The following POLR3B variants were observed in gnomAD, a reference collection of about 807,000 sequenced individuals.
POLR3B encodes the protein RNA polymerase III subunit B, also known as DNA-directed RNA polymerase III subunit RPC2.
POLR3B carries 96 observed loss-of-function variants against 147.4 expected under a neutral mutation model. The observed-to-expected ratio is 0.65, with a 90% CI of 0.55 to 0.77. The LOEUF is 0.77. Among genes scored for constraint, POLR3B ranks in the 30% least tolerant of loss-of-function variants. The pLI is 0.00. For missense variants in POLR3B, 1,036 were observed against 1,413.5 expected (o/e 0.73, Z 4.28); for synonymous variants, 461 against 485.9 (o/e 0.95, Z 0.67).
At chr12:106,423,212 TA>T (rs2037394456) in intron 12 of POLR3B, among the ~76,000 whole-genome samples, 1 of 152,172 alleles carries the variant, frequency 6.6e-6, no homozygotes, top group Non-Finnish European at 1.5e-5. Context: ...CCCCTCCCCT[TA>T]TTCCCCAAAT....
intron 11 of POLR3B, among the ~76,000 whole-genome samples, chr12:106,407,354 C>T (rs2037164127): frequency 6.6e-6 from 1 of 152,132 alleles, no homozygotes; most frequent in Non-Finnish European, 1.5e-5. Context: ...ATTCCACTTT[C>T]TTGCAGGGTT....
At chr12:106,374,810 C>G (rs888713387) in intron 6 of POLR3B, among the ~76,000 whole-genome samples, 1 of 152,218 alleles carries the variant, frequency 6.6e-6, no homozygotes, top group Non-Finnish European at 1.5e-5. Flanking sequence ...GCCACCGCAC[C>G]TGGCCTCCTT....
intron 7 of POLR3B, among the ~76,000 whole-genome samples, chr12:106,377,270 G>A (rs1429832086): frequency 2.6e-5 from 4 of 152,044 alleles, no homozygotes; most frequent in African/African-American, 9.7e-5. Flanking sequence ...TCTTTAACTC[G>A]TATTTCACAT....
intron 12 of POLR3B, among the ~76,000 whole-genome samples, chr12:106,420,079 A>G (rs543106293): frequency 3.9e-4 from 59 of 152,234 alleles, no homozygotes; most frequent in Non-Finnish European, 7.1e-4. Context: ...TCGGTGGCTC[A>G]GGAATCTAAG....
In POLR3B at chr12:106,393,097, G is replaced by A. The variant is rs2036933077; in HGVS notation, c.790G>A (p.Ala264Thr). ...TGGAACAGAGGAGCACGTGATGGCTGCATTTGGGCCCAGTCTGGAAGAGTG... is the reference window on the plus strand; with the variant it reads ...TGGAACAGAGGAGCACGTGATGGCTACATTTGGGCCCAGTCTGGAAGAGTG... Reference protein sequence around the residue: ...MIGTEEHVMAAFGPSLEECQK... With the variant: ...MIGTEEHVMATFGPSLEECQK... Residue 264 changes from alanine (A) to threonine (T), a missense_variant, in exon 10 of 28, where the codon GCA (alanine) becomes ACA (threonine). Ala to Thr is a moderately conservative substitution (Grantham distance 58). Around this residue, in one of 12 missense-constraint regions of POLR3B, gnomAD observed 217 missense variants for 288.7 expected, o/e 0.75. Transcript: ENST00000228347. 6 of 1,614,098 alleles carry A rather than the reference G, an allele frequency of 3.7e-6. 1 individual carries two copies. The highest frequency in any genetic ancestry group is 5.1e-6 in the Non-Finnish European group (6 of 1,180,028).
At chr12:106,496,630 T>C (rs1319671962) in intron 24 of POLR3B, 122 bp from the exon 25 acceptor site, 5 of 848,080 alleles carry the variant, frequency 5.9e-6, no homozygotes, top group Non-Finnish European at 9.7e-6. Flanking sequence ...GCTTAAATAC[T>C]GCTTCTATTA....
chr12:106,491,017 A>C (rs533302803), intron 23 of POLR3B, among the ~76,000 whole-genome samples: 2 of 152,280 alleles, frequency 1.3e-5, no homozygotes, highest in South Asian at 4.1e-4. Flanking sequence ...TCTCCAGCCA[A>C]AGTTAGTGCA....
intron 20 of POLR3B, 94 bp from the exon 21 acceptor site, chr12:106,457,044 T>G (rs1183876524): frequency 8.8e-6 from 9 of 1,020,018 alleles, no homozygotes; most frequent in Non-Finnish European, 1.4e-5. Flanking sequence ...TGGGGGAGGG[T>G]GAGGTGGAGT....
intron 23 of POLR3B, among the ~76,000 whole-genome samples, chr12:106,483,300 C>G (rs1291124916): frequency 2.0e-5 from 3 of 152,204 alleles, no homozygotes; most frequent in African/African-American, 7.2e-5. Flanking sequence ...CACCCACGTC[C>G]ATCCCAGGCA....
intron 18 of POLR3B, among the ~76,000 whole-genome samples, chr12:106,442,632 A>G (rs2037667634): frequency 6.6e-6 from 1 of 152,092 alleles, no homozygotes; most frequent in African/African-American, 2.4e-5. Flanking sequence ...GTGTTTTGGA[A>G]AAAAAAATAG....
chr12:106,443,989 T>C (rs975834886), intron 18 of POLR3B, among the ~76,000 whole-genome samples: 5 of 152,042 alleles, frequency 3.3e-5, no homozygotes, highest in Non-Finnish European at 7.4e-5. Context: ...CACACCCATC[T>C]AATTTGTATT....
rs369576112 is a variant in POLR3B, at chr12:106,509,412, C to A, written c.3273-8C>A. 6.2e-7 allele frequency: 1 copy of A among 1,613,374 alleles called. No homozygotes were observed. Among genetic ancestry groups the A allele is most frequent in the Non-Finnish European group, 8.5e-7 (1 of 1,179,468 alleles). On this transcript the variant is annotated splice_polypyrimidine_tract_variant and splice_region_variant and intron_variant, in intron 27 of 27. Transcript: ENST00000228347. ...TGTCTGTCTAACGCTTGCTGACTTG[C>A]GTTTCAGGTGCCATTACTGCAAGTC...
intron 10 of POLR3B, 144 bp from the exon 11 acceptor site, chr12:106,405,713 C>A (rs1480089529): frequency 4.0e-6 from 3 of 757,008 alleles, no homozygotes; most frequent in African/African-American, 1.7e-5. Flanking sequence ...TTATGATAAA[C>A]GTTGATTTTC....
At chr12:106,361,751 A>C (rs973084884) in intron 1 of POLR3B, among the ~76,000 whole-genome samples, 1 of 152,172 alleles carries the variant, frequency 6.6e-6, no homozygotes, top group Non-Finnish European at 1.5e-5. Context: ...CCAGGGATAG[A>C]ACTTTGAAGA....
intron 9 of POLR3B, among the ~76,000 whole-genome samples, chr12:106,384,723 C>A (rs1428935249): frequency 1.3e-5 from 2 of 152,134 alleles, no homozygotes; most frequent in East Asian, 3.9e-4. Context: ...TGTGATGTGC[C>A]TTCTGGAGAA....
intron 23 of POLR3B, among the ~76,000 whole-genome samples, chr12:106,482,900 T>C (rs568546354): frequency 6.6e-6 from 1 of 152,298 alleles, no homozygotes; most frequent in South Asian, 2.1e-4. Flanking sequence ...ACTCCCAGAA[T>C]AAGTGTAATT....
At chr12:106,454,266 T>C (rs959991358) in intron 19 of POLR3B, among the ~76,000 whole-genome samples, 8 of 152,202 alleles carry the variant, frequency 5.3e-5, no homozygotes, top group African/African-American at 1.9e-4. Context: ...GTCTAAATTA[T>C]TTAGATTAAA....
intron 23 of POLR3B, among the ~76,000 whole-genome samples, chr12:106,471,614 C>G (rs2038093707): frequency 6.6e-6 from 1 of 152,028 alleles, no homozygotes; most frequent in African/African-American, 2.4e-5. Context: ...TCAGTCTCCA[C>G]TAAACTTCTT....
intron 13 of POLR3B, among the ~76,000 whole-genome samples, chr12:106,428,446 T>C (rs2037464768): frequency 6.6e-6 from 1 of 152,208 alleles, no homozygotes; most frequent in Non-Finnish European, 1.5e-5. Context: ...ATGTTGCTAT[T>C]AGAAGAATGC....
Sources: gnomAD v4.1 joint callset for allele counts (sites outside exome capture counted in the v4.1 genomes callset) on GRCh38, gnomAD v4.1.1 for gene constraint, gnomAD v4.1.1 regional missense constraint, MANE v1.5 for transcripts, NCBI Gene and HGNC (gene_info 2026-07-23, HGNC 2026-07-21) for gene names.